The following SOS1 variants were observed in gnomAD, a reference collection of about 807,000 sequenced individuals.
SOS1 encodes the protein son of sevenless homolog 1.
SOS1 carries 25 observed loss-of-function variants against 157.6 expected under a neutral mutation model. The observed-to-expected ratio is 0.16, with a 90% CI of 0.12 to 0.22. The LOEUF is 0.22. SOS1 is among the 10% of genes least tolerant of loss of function. SOS1 has a pLI of 1.00. For missense variants in SOS1, 1,237 were observed against 1,599.1 expected (o/e 0.77, Z 3.86); for synonymous variants, 528 against 534.0 (o/e 0.99, Z 0.16).
intron 1 of SOS1, among the ~76,000 whole-genome samples, chr2:39,080,613 T>C (rs549535307): frequency 3.3e-5 from 5 of 152,338 alleles, no homozygotes; most frequent in African/African-American, 1.2e-4. Flanking sequence ...ATAAACAGTA[T>C]ATCACTTTTT....
intron 1 of SOS1, among the ~76,000 whole-genome samples, chr2:39,104,750 T>G (rs904554165): frequency 6.6e-6 from 1 of 152,264 alleles, no homozygotes; most frequent in Non-Finnish European, 1.5e-5. Flanking sequence ...AATGAAATTC[T>G]GGTACATACT....
Position 39,120,579 on chromosome 2 carries a change from G to A in SOS1, c.-157C>T, listed in dbSNP as rs1227995527. 57 of 865,348 alleles carry A rather than the reference G, an allele frequency of 6.6e-5. No individual in the cohort carries two copies. The highest frequency in any genetic ancestry group is 7.9e-5 in the Non-Finnish European group (56 of 712,442). 53.6% of individuals were successfully genotyped at this position (865,348 alleles called of 1,614,324 possible). A position where few individuals can be genotyped will look rare whatever the true frequency, so the allele number is the denominator to read the frequency against. On this transcript the variant is annotated 5_prime_UTR_variant, in exon 1 of 23. Transcript: ENST00000402219. ...CGCAGCCGGGCTAGCCCTGGCGAGGGGGCTGGGGGGCGAGGCCCGCGCCTG... is the reference window on the plus strand; with the variant it reads ...CGCAGCCGGGCTAGCCCTGGCGAGGAGGCTGGGGGGCGAGGCCCGCGCCTG...
intron 1 of SOS1, among the ~76,000 whole-genome samples, chr2:39,097,373 A>G (rs927608428): frequency 6.6e-6 from 1 of 152,196 alleles, no homozygotes; most frequent in Non-Finnish European, 1.5e-5. Context: ...GAAGCGGTCC[A>G]TGAACCAAAG....
At chr2:39,014,566 C>CA (rs1669571352) in intron 11 of SOS1, among the ~76,000 whole-genome samples, 199 bp downstream of exon 11, 1 of 151,650 alleles carries the variant, frequency 6.6e-6, no homozygotes, top group Non-Finnish European at 1.5e-5. Flanking sequence ...TTTTCACATA[C>CA]AAAAAAGAAT....
chr2:39,019,849 T>G (rs1357129699), intron 10 of SOS1, among the ~76,000 whole-genome samples: 2 of 151,574 alleles, frequency 1.3e-5, no homozygotes, highest in East Asian at 3.8e-4. Flanking sequence ...AAAAAAAAAT[T>G]ACTGACAATA....
At chr2:39,058,567 T>C (rs1408673953) in intron 3 of SOS1, 106 bp downstream of exon 3, 1 of 1,218,760 alleles carries the variant, frequency 8.2e-7, no homozygotes, top group Non-Finnish European at 1.2e-6. Flanking sequence ...TGAGAGAATT[T>C]TACTCTTAAG....
chr2:39,085,325 G>C (rs974450970), intron 1 of SOS1, among the ~76,000 whole-genome samples: 2 of 152,192 alleles, frequency 1.3e-5, no homozygotes, highest in East Asian at 3.8e-4. Context: ...TGGTATTCCA[G>C]GCATGGGCCA....
At chr2:39,059,655 T>A (rs1671334376) in intron 2 of SOS1, among the ~76,000 whole-genome samples, 1 of 152,112 alleles carries the variant, frequency 6.6e-6, no homozygotes. Flanking sequence ...TAATTATAAA[T>A]CTGAATAAAA....
Position 39,120,430 on chromosome 2 carries a change from C to A in SOS1, c.-8G>T. On this transcript the variant is annotated 5_prime_UTR_variant, in exon 1 of 23. Transcript: ENST00000402219. ...CAGCTGCTGCGCCTGCATGGTGCCC[C>A]CGGGGCGCCTCTGGGCGGGGAGAGG... 2 of 1,581,244 alleles carry A rather than the reference C, an allele frequency of 1.3e-6. No homozygotes were observed.
At chr2:39,102,100 G>C (rs553454586) in intron 1 of SOS1, among the ~76,000 whole-genome samples, 1 of 149,446 alleles carries the variant, frequency 6.7e-6, no homozygotes, top group Non-Finnish European at 1.5e-5. Flanking sequence ...AGCTACTCGG[G>C]AGGCTGAGGC....
At chr2:39,034,070 T>C (rs1391949557) in intron 8 of SOS1, among the ~76,000 whole-genome samples, 1 of 152,256 alleles carries the variant, frequency 6.6e-6, no homozygotes, top group Non-Finnish European at 1.5e-5. Flanking sequence ...CCTCTCTTGA[T>C]TATCCTCTTA....
chr2:39,061,624 G>A (rs562405088), intron 2 of SOS1, among the ~76,000 whole-genome samples: 221 of 152,226 alleles, frequency 1.5e-3, no homozygotes, highest in African/African-American at 5.2e-3. Context: ...TGAGCTCAAA[G>A]TGATCCTTCT....
intron 21 of SOS1, among the ~76,000 whole-genome samples, chr2:38,988,572 C>T (rs898764812): frequency 2.0e-5 from 3 of 151,862 alleles, no homozygotes; most frequent in African/African-American, 7.3e-5. Context: ...ACTTTGTGTA[C>T]TGATATTATT....
intron 17 of SOS1, among the ~76,000 whole-genome samples, chr2:39,004,354 C>T (rs1401887762): frequency 4.6e-5 from 6 of 130,918 alleles, no homozygotes; most frequent in Admixed American, 9.3e-5. Flanking sequence ...TGCAGTGAGC[C>T]GAGATGGCAG....
chr2:39,003,906 T>C (rs985710118), intron 17 of SOS1, among the ~76,000 whole-genome samples: 1 of 152,158 alleles, frequency 6.6e-6, no homozygotes, highest in Non-Finnish European at 1.5e-5. Context: ...TCCTATGCAT[T>C]GCAGGATGTT....
intron 1 of SOS1, among the ~76,000 whole-genome samples, chr2:39,105,364 G>A (rs1480223071): frequency 6.6e-6 from 1 of 151,092 alleles, no homozygotes. Context: ...GCCTCAAGCT[G>A]GTACAGCATC....
intron 2 of SOS1, among the ~76,000 whole-genome samples, chr2:39,062,639 G>T (rs183293524): frequency 1.1e-3 from 169 of 148,968 alleles, no homozygotes; most frequent in African/African-American, 3.6e-3. Context: ...AAAGAAAAAT[G>T]TATCACTGTC....
chr2:39,090,482 G>C (rs917722461), intron 1 of SOS1, among the ~76,000 whole-genome samples: 2 of 152,010 alleles, frequency 1.3e-5, no homozygotes, highest in African/African-American at 2.4e-5. Context: ...GATTACCTGA[G>C]GTCAGGAATT....
At chr2:39,078,923 G>A (rs1039756319) in intron 1 of SOS1, among the ~76,000 whole-genome samples, 4 of 152,020 alleles carry the variant, frequency 2.6e-5, no homozygotes, top group East Asian at 1.9e-4. Context: ...AGCCAGATGC[G>A]GTGGCATACG....
Sources: gnomAD v4.1 joint callset for allele counts (sites outside exome capture counted in the v4.1 genomes callset) on GRCh38, gnomAD v4.1.1 for gene constraint, MANE v1.5 for transcripts, NCBI Gene and HGNC (gene_info 2026-07-23, HGNC 2026-07-21) for gene names.